The following VRK2 variants were observed in gnomAD, a reference collection of about 807,000 sequenced individuals.
VRK2 encodes VRK serine/threonine kinase 2, also known as serine/threonine-protein kinase VRK2.
VRK2 carries 60 observed loss-of-function variants against 57.6 expected under a neutral mutation model. That is an observed-to-expected ratio of 1.04 (90% CI 0.85 to 1.29). The LOEUF (loss-of-function observed/expected upper bound fraction) is 1.29, where lower values mean the gene tolerates loss of function less well. Ranked by LOEUF, VRK2 falls within the 50% of genes most tolerant of loss-of-function variation. The pLI is 0.00. For synonymous variants in VRK2, 231 were observed against 199.2 expected, an observed-to-expected ratio of 1.16 and a Z score of -1.35; for missense variants, 705 against 588.1, an observed-to-expected ratio of 1.20 and a Z score of -2.06.
In VRK2 at chr2:58,123,215, G is replaced by T. The variant is rs770181704; in HGVS notation, c.658G>T (p.Asp220Tyr). The change falls in exon 8 of 13, where the codon GAT becomes TAT. Residue 220 changes from aspartate (D) to tyrosine (Y), a missense_variant. Coordinates refer to ENST00000340157, the MANE Select transcript of VRK2 (RefSeq NM_006296.7). Reference sequence around the variant, plus strand: ...TGGGACAATAGAGTTTACCAGCTTGGATGCCCACAAGGGAGTAGGTGGGTT... The same window carrying T: ...TGGGACAATAGAGTTTACCAGCTTGTATGCCCACAAGGGAGTAGGTGGGTT... ...HNGTIEFTSL[D>Y]AHKGVALSRR... is the part of the protein sequence containing the mutation. 2 of 1,585,398 alleles carry T rather than the reference G, an allele frequency of 1.3e-6. No homozygotes were observed.
At chr2:58,150,195 CT>C (rs1444698354) in intron 12 of VRK2, among the ~76,000 whole-genome samples, 1 of 151,198 alleles carries the variant, frequency 6.6e-6, no homozygotes, top group Non-Finnish European at 1.5e-5. Context: ...TAAGATTTGC[CT>C]TTCTTAAATG....
chr2:58,045,047 A>G (rs1254271232), upstream of VRK2, among the ~76,000 whole-genome samples: 2 of 152,228 alleles, frequency 1.3e-5, no homozygotes, highest in Non-Finnish European at 2.9e-5. Context: ...AGGTTGAGAA[A>G]TGCTGTTTAA....
intron 1 of VRK2, among the ~76,000 whole-genome samples, chr2:57,955,634 A>T (rs928698194): frequency 6.6e-6 from 1 of 152,134 alleles, no homozygotes; most frequent in Non-Finnish European, 1.5e-5. Flanking sequence ...TTCTCTATTT[A>T]AAAAAATGTG....
Position 58,135,146 on chromosome 2 carries a change from T to C in VRK2, c.803T>C (p.Leu268Ser), listed in dbSNP as rs755741364. The change falls in exon 10 of 13, where the codon TTG (leucine) becomes TCG (serine). Residue 268 changes from leucine (L) to serine (S), a missense_variant. By Grantham distance (145) the Leu-to-Ser change is moderately radical (BLOSUM62 -2). Transcript: ENST00000340157. ...ATTACCTTATTTTGTTTTAGTCTGT[T>C]GGACGAGCTCCCCCAGTCAGTGCTT... Reference protein sequence around the residue: ...VAVQTAKTNLLDELPQSVLKW... With the variant: ...VAVQTAKTNLSDELPQSVLKW... 1 of 1,614,038 alleles carries C rather than the reference T, an allele frequency of 6.2e-7. No homozygotes were observed.
At chr2:58,045,127 A>G (rs190324826), upstream of VRK2, among the ~76,000 whole-genome samples, 153 of 152,352 alleles carry the variant, frequency 1.0e-3, 1 homozygote, top group African/African-American at 3.6e-3. Flanking sequence ...CTCAGTAATT[A>G]TTTAAGCGTT....
intron 1 of VRK2, among the ~76,000 whole-genome samples, chr2:58,019,186 C>T (rs948913601): frequency 1.1e-4 from 16 of 152,102 alleles, no homozygotes; most frequent in Non-Finnish European, 2.4e-4. Context: ...AATAATGTGA[C>T]CACGTTAAAC....
intron 1 of VRK2, among the ~76,000 whole-genome samples, chr2:57,978,904 T>C (rs992575145): frequency 2.7e-5 from 4 of 150,816 alleles, no homozygotes; most frequent in African/African-American, 5.0e-5. Context: ...CAGGAGGTGT[T>C]TGGTTTTCTG....
At chr2:58,101,599 TA>T (rs1364614926) in intron 7 of VRK2, among the ~76,000 whole-genome samples, 1 of 151,712 alleles carries the variant, frequency 6.6e-6, no homozygotes, top group African/African-American at 2.4e-5. Flanking sequence ...TGACTTTTTT[TA>T]GTGGACTTCT....
intron 3 of VRK2, among the ~76,000 whole-genome samples, chr2:58,084,508 A>G (rs1224268778): frequency 2.0e-5 from 3 of 151,868 alleles, no homozygotes; most frequent in South Asian, 2.1e-4. Context: ...TAAAGGTATC[A>G]TGTGTGAGTG....
intron 2 of VRK2, among the ~76,000 whole-genome samples, chr2:58,078,866 G>T (rs925485018): frequency 1.3e-5 from 2 of 152,134 alleles, no homozygotes; most frequent in Non-Finnish European, 2.9e-5. Flanking sequence ...TAGAGAAAGG[G>T]TAACTCTGTG....
chr2:57,985,124 T>C (rs1672555752), intron 1 of VRK2, among the ~76,000 whole-genome samples: 2 of 152,046 alleles, frequency 1.3e-5, no homozygotes, highest in Non-Finnish European at 2.9e-5. Context: ...GATAGAGTGA[T>C]AAATAGACAA....
intron 8 of VRK2, among the ~76,000 whole-genome samples, chr2:58,125,879 T>C (rs552853374): frequency 1.3e-5 from 2 of 152,222 alleles, no homozygotes; most frequent in South Asian, 2.1e-4. Context: ...GTCTGAATAC[T>C]GTTCACTCCT....
chr2:58,079,458 C>G (rs563867532), intron 2 of VRK2, among the ~76,000 whole-genome samples: 63 of 152,146 alleles, frequency 4.1e-4, no homozygotes, highest in African/African-American at 1.4e-3. Context: ...TGACATTTGC[C>G]AAATGATGAT....
At position 57,975,588 on chromosome 2, in the gene VRK2, C is replaced by T. The variant is rs1672225305; in HGVS notation, c.-438-50077C>T. 2.6e-5 allele frequency among the ~76,000 whole-genome samples: 4 copies of T among 151,722 alleles called. No homozygotes were observed. The South Asian group carries it at 6.2e-4, about 24-fold the overall frequency. On this transcript the variant is annotated intron_variant, in intron 1 of 15. Coordinates refer to the VRK2 transcript ENST00000417641. Reference sequence around the variant, plus strand: ...TGCTAGGTTTGGTCTTCTACTGATCCCGTCACCCAGACTGCAAACATAGCA... The same window carrying T: ...TGCTAGGTTTGGTCTTCTACTGATCTCGTCACCCAGACTGCAAACATAGCA...
intron 1 of VRK2, among the ~76,000 whole-genome samples, chr2:57,991,818 C>T (rs1022675607): frequency 4.7e-5 from 7 of 150,470 alleles, no homozygotes; most frequent in African/African-American, 1.7e-4. Flanking sequence ...ATTATCTGGG[C>T]GTGGTGGCGC....
At chr2:58,022,202 T>A (rs1673778570) in intron 1 of VRK2, among the ~76,000 whole-genome samples, 1 of 152,186 alleles carries the variant, frequency 6.6e-6, no homozygotes, top group African/African-American at 2.4e-5. Flanking sequence ...AGAATGGGTG[T>A]CACTGCACCC....
chr2:58,097,800 A>G (rs987859341), intron 7 of VRK2, among the ~76,000 whole-genome samples: 9 of 152,116 alleles, frequency 5.9e-5, no homozygotes, highest in African/African-American at 2.2e-4. Flanking sequence ...TGTACACTAT[A>G]TAGTACTTGA....
intron 1 of VRK2, among the ~76,000 whole-genome samples, chr2:57,940,040 T>C (rs1429306153): frequency 6.6e-6 from 1 of 152,206 alleles, no homozygotes; most frequent in East Asian, 1.9e-4. Flanking sequence ...AGATATCTTA[T>C]ACTTTCATAA....
At chr2:58,107,112 A>G (rs1323243909) in intron 7 of VRK2, among the ~76,000 whole-genome samples, 4 of 152,126 alleles carry the variant, frequency 2.6e-5, no homozygotes, top group African/African-American at 9.7e-5. Context: ...TAGTGGTTTC[A>G]TAAGTATGCA....
Sources: allele counts gnomAD v4.1 joint callset (sites outside exome capture counted in the v4.1 genomes callset), GRCh38; gene constraint gnomAD v4.1.1; transcripts MANE v1.5; gene names NCBI Gene and HGNC (gene_info 2026-07-23, HGNC 2026-07-21).